RSRC1: variants seen among roughly 807,000 people sequenced by gnomAD.
The protein encoded by RSRC1 is arginine and serine rich coiled-coil 1.
RSRC1 carries 39 observed loss-of-function variants against 49.1 expected under a neutral mutation model. The ratio of observed to expected loss-of-function variants is 0.79; its 90% CI spans 0.61 to 1.04. The LOEUF is 1.04. Among genes scored for constraint, RSRC1 ranks in the 50% least tolerant of loss-of-function variants. The pLI is 0.00. For missense variants in RSRC1, 388 were observed against 402.4 expected, an observed-to-expected ratio of 0.96 and a Z score of 0.31; for synonymous variants, 143 against 130.8, an observed-to-expected ratio of 1.09 and a Z score of -0.63.
At chr3:158,231,699 A>G (rs1343566715) in intron 4 of RSRC1, among the ~76,000 whole-genome samples, 2 of 152,116 alleles carry the variant, frequency 1.3e-5, no homozygotes, top group Admixed American at 6.6e-5. Flanking sequence ...AAGCAGTAAT[A>G]TATTATTTCT....
intron 3 of RSRC1, among the ~76,000 whole-genome samples, chr3:158,146,123 T>C (rs557309756): frequency 1.7e-4 from 26 of 152,274 alleles, no homozygotes; most frequent in Admixed American, 1.6e-3. Context: ...CCTTTATTCC[T>C]TTCTCCTGCC....
chr3:158,528,256 G>T (rs1398221444), intron 7 of RSRC1, among the ~76,000 whole-genome samples: 1 of 151,892 alleles, frequency 6.6e-6, no homozygotes, highest in Admixed American at 6.6e-5. Flanking sequence ...TAGCATAATT[G>T]CATTAAAAAT....
At chr3:158,454,325 T>G (rs1208939838) in intron 6 of RSRC1, among the ~76,000 whole-genome samples, 1 of 152,140 alleles carries the variant, frequency 6.6e-6, no homozygotes, top group Non-Finnish European at 1.5e-5. Context: ...ATTGTAACTA[T>G]GTCATAGAAT....
chr3:158,330,097 G>T (rs943922456), intron 5 of RSRC1, among the ~76,000 whole-genome samples: 3 of 152,220 alleles, frequency 2.0e-5, no homozygotes, highest in Admixed American at 2.0e-4. Context: ...GCAGTATTAG[G>T]GTGGGAGTGA....
chr3:158,446,721 C>T (rs1398107970), intron 6 of RSRC1, among the ~76,000 whole-genome samples: 1 of 151,908 alleles, frequency 6.6e-6, no homozygotes, highest in African/African-American at 2.4e-5. Context: ...ACCAGTTTTT[C>T]TTATCTCTTC....
chr3:158,313,305 T>G (rs144339414), intron 5 of RSRC1, among the ~76,000 whole-genome samples: 1 of 152,336 alleles, frequency 6.6e-6, no homozygotes, highest in East Asian at 1.9e-4. Flanking sequence ...CTAGTGATAG[T>G]AGGCACTCAA....
At chr3:158,484,105 G>T (rs998948110) in intron 7 of RSRC1, among the ~76,000 whole-genome samples, 1 of 152,046 alleles carries the variant, frequency 6.6e-6, no homozygotes, top group Non-Finnish European at 1.5e-5. Context: ...TCCTGAAAAG[G>T]CAGGGGTGAT....
At chr3:158,394,428 A>G (rs961154114) in intron 6 of RSRC1, among the ~76,000 whole-genome samples, 1 of 151,304 alleles carries the variant, frequency 6.6e-6, no homozygotes, top group Non-Finnish European at 1.5e-5. Flanking sequence ...CAAAACTCCT[A>G]TATTTTGTAT....
chr3:158,514,944 A>G lies in RSRC1; in HGVS notation c.653-22148A>G, dbSNP rs569064074. 7.9e-5 allele frequency among the ~76,000 whole-genome samples: 12 copies of G among 151,772 alleles called. No homozygotes were observed. In the East Asian group the frequency reaches 1.7e-3, roughly 22 times the overall value. On this transcript the variant is annotated intron_variant, in intron 7 of 9. Coordinates refer to ENST00000611884, the MANE Select transcript of RSRC1 (RefSeq NM_001271838.2). ...ATCAGAGAGTAGGATTGCAACCCCT[A>G]CCTTTTTTTGTTTTCCATTTGCTTG...
chr3:158,515,743 A>G (rs1172498812), intron 7 of RSRC1, among the ~76,000 whole-genome samples: 2 of 150,366 alleles, frequency 1.3e-5, no homozygotes, highest in Non-Finnish European at 3.0e-5. Flanking sequence ...CACCAATCAG[A>G]CGTAGATTTG....
intron 5 of RSRC1, among the ~76,000 whole-genome samples, chr3:158,301,743 A>G (rs909718622): frequency 1.3e-5 from 2 of 152,124 alleles, no homozygotes; most frequent in African/African-American, 4.8e-5. Flanking sequence ...ATATAGTTGC[A>G]TTTATTTGTT....
chr3:158,495,500 G>A (rs139519239), intron 7 of RSRC1, among the ~76,000 whole-genome samples: 1 of 152,134 alleles, frequency 6.6e-6, no homozygotes, highest in East Asian at 1.9e-4. Flanking sequence ...TGTCCAGGCT[G>A]GTCTCGAACT....
At chr3:158,310,669 T>C (rs1578320316) in intron 5 of RSRC1, among the ~76,000 whole-genome samples, 1 of 151,788 alleles carries the variant, frequency 6.6e-6, no homozygotes. Flanking sequence ...TTTAAAAATA[T>C]GTTTTAAAAT....
At chr3:158,397,932 C>T (rs1733698065) in intron 6 of RSRC1, among the ~76,000 whole-genome samples, 1 of 151,996 alleles carries the variant, frequency 6.6e-6, no homozygotes, top group East Asian at 1.9e-4. Flanking sequence ...GGGTGGGAAG[C>T]TCAGAAATAA....
intron 6 of RSRC1, among the ~76,000 whole-genome samples, chr3:158,375,738 G>A (rs147730221): frequency 6.6e-6 from 1 of 152,006 alleles, no homozygotes; most frequent in Non-Finnish European, 1.5e-5. Context: ...CTAAGCCTGT[G>A]TTCATTCTTT....
intron 3 of RSRC1, 63 bp from the exon 4 acceptor site, chr3:158,203,009 G>C: frequency 7.6e-7 from 1 of 1,314,962 alleles, no homozygotes; most frequent in Non-Finnish European, 1.1e-6. Context: ...ATTTAAAAGA[G>C]TATTTACTTT....
At chr3:158,452,980 T>C (rs997891420) in intron 6 of RSRC1, among the ~76,000 whole-genome samples, 121 of 152,246 alleles carry the variant, frequency 7.9e-4, no homozygotes, top group Non-Finnish European at 1.6e-3. Flanking sequence ...CGTACTTTGG[T>C]TTTTTTAGTA....
In RSRC1 at chr3:158,543,507, C is replaced by G; in HGVS notation, c.912+20C>G. ...CCAAATGTAATATCCTTAAACTTTA[C>G]GAATGTCAGTTGAAGTCTAATTTAC... On this transcript the variant is annotated intron_variant, in intron 9 of 9. Coordinates refer to ENST00000611884, the MANE Select transcript of RSRC1 (RefSeq NM_001271838.2). 3 of 1,581,436 alleles carry G rather than the reference C, an allele frequency of 1.9e-6. No individual in the cohort carries two copies. The highest frequency in any genetic ancestry group is 1.2e-5 in the South Asian group (1 of 84,646).
At position 158,434,497 on chromosome 3, in the gene RSRC1, T is replaced by C. The variant is rs146558604; in HGVS notation, c.584-26438T>C. 4.1e-4 allele frequency among the ~76,000 whole-genome samples: 62 copies of C among 152,156 alleles called. No homozygotes were observed. The East Asian group carries it at 9.3e-3, about 23-fold the overall frequency. ...AAATAGATTAAGAAACATTCTAGTT[T>C]GGATAAGAATTCTACAAACACCGAT... On this transcript the variant is annotated intron_variant, in intron 6 of 9. Transcript: ENST00000611884.
Sources: gnomAD v4.1 joint callset for allele counts (sites outside exome capture counted in the v4.1 genomes callset) on GRCh38, gnomAD v4.1.1 for gene constraint, MANE v1.5 for transcripts, NCBI Gene and HGNC (gene_info 2026-07-23, HGNC 2026-07-21) for gene names.